NRG3: variants seen among roughly 807,000 people sequenced by gnomAD.
NRG3 encodes the protein pro-neuregulin-3, membrane-bound isoform.
A neutral mutation model predicts 66.9 loss-of-function variants in NRG3; 31 were observed. That is an observed-to-expected ratio of 0.46 (90% CI 0.35 to 0.63). The LOEUF is 0.63. NRG3 is among the 20% of genes least tolerant of loss of function. The pLI is 0.00. For synonymous variants in NRG3, 393 were observed against 359.4 expected (o/e 1.09, Z -1.06); for missense variants, 910 against 878.9 (o/e 1.04, Z -0.45).
rs528679608 is a variant in NRG3, at chr10:81,885,148, A to G, written c.823+8985A>G. Among the ~76,000 whole-genome samples the G allele has an allele frequency of 2.5e-4, 38 of 152,250 alleles. 1 individual carries two copies. The South Asian group carries it at 7.5e-3, about 30-fold the overall frequency. ...CTTATGGCTGCTTGTAGGTGATTCA[A>G]TGTAACAATGACAGAAAACAGTTAC... On this transcript the variant is annotated intron_variant, in intron 1 of 8. Transcript: ENST00000372141.
At chr10:82,535,630 C>T (rs1260655531) in intron 2 of NRG3, among the ~76,000 whole-genome samples, 6 of 152,044 alleles carry the variant, frequency 3.9e-5, no homozygotes, top group Admixed American at 3.3e-4. Flanking sequence ...TTTAGTCACA[C>T]TAATAGGGAT....
At chr10:82,080,843 A>G (rs1192935983) in intron 1 of NRG3, among the ~76,000 whole-genome samples, 1 of 152,152 alleles carries the variant, frequency 6.6e-6, no homozygotes. Context: ...TCTATACCCA[A>G]AACTTTTTCA....
intron 2 of NRG3, among the ~76,000 whole-genome samples, chr10:82,430,760 G>T (rs1038042551): frequency 7.9e-5 from 12 of 152,140 alleles, no homozygotes; most frequent in Non-Finnish European, 1.5e-5. Context: ...TACTGGGATG[G>T]TTTGGTGTCA....
intron 2 of NRG3, among the ~76,000 whole-genome samples, chr10:82,721,979 T>C (rs571983322): frequency 6.6e-6 from 1 of 152,124 alleles, no homozygotes. Context: ...GGGGACATGT[T>C]ACCCAAACTC....
intron 8 of NRG3, among the ~76,000 whole-genome samples, chr10:82,983,908 T>G (rs1226910776): frequency 6.6e-6 from 1 of 152,232 alleles, no homozygotes; most frequent in Non-Finnish European, 1.5e-5. Context: ...CCTGTTTGTG[T>G]TCACTGTCTG....
intron 2 of NRG3, among the ~76,000 whole-genome samples, chr10:82,435,287 G>T (rs1029553336): frequency 1.3e-5 from 2 of 151,948 alleles, no homozygotes; most frequent in African/African-American, 4.8e-5. Flanking sequence ...GGTCAGTGGT[G>T]GTATCCCCTT....
chr10:82,955,306 C>T (rs1849936552), intron 5 of NRG3: 2 of 151,804 alleles, frequency 1.3e-5, no homozygotes, highest in South Asian at 4.1e-4. Flanking sequence ...TTAACTGAAC[C>T]CATAGCAACT....
chr10:82,289,725 C>T (rs528085264), intron 1 of NRG3, among the ~76,000 whole-genome samples: 1 of 152,182 alleles, frequency 6.6e-6, no homozygotes, highest in Admixed American at 6.5e-5. Flanking sequence ...CAAATGAAAG[C>T]CATTTTTCCT....
At chr10:82,036,006 C>T (rs573733837) in intron 1 of NRG3, among the ~76,000 whole-genome samples, 1 of 152,136 alleles carries the variant, frequency 6.6e-6, no homozygotes, top group East Asian at 1.9e-4. Flanking sequence ...TGCTGTTTCA[C>T]ATGTGTAAAT....
chr10:82,268,310 C>G (rs2078411387), intron 1 of NRG3, among the ~76,000 whole-genome samples: 1 of 152,100 alleles, frequency 6.6e-6, no homozygotes, highest in African/African-American at 2.4e-5. Context: ...ATATTTTGCT[C>G]AAGTCATTGC....
At chr10:82,190,767 G>C (rs2133348603) in intron 1 of NRG3, among the ~76,000 whole-genome samples, 1 of 152,266 alleles carries the variant, frequency 6.6e-6, no homozygotes. Context: ...AGTAGCTCCA[G>C]GGCTGGTTAA....
chr10:82,281,067 A>T (rs1479960941), intron 1 of NRG3, among the ~76,000 whole-genome samples: 2 of 152,174 alleles, frequency 1.3e-5, no homozygotes, highest in Non-Finnish European at 2.9e-5. Flanking sequence ...TGAGATACTG[A>T]ACTATGGAAA....
chr10:82,414,913 T>C (rs1371942767), intron 2 of NRG3, among the ~76,000 whole-genome samples: 1 of 152,184 alleles, frequency 6.6e-6, no homozygotes, highest in African/African-American at 2.4e-5. Context: ...CAGTTTTTGC[T>C]CTTAAGGCCT....
chr10:82,407,472 G>C (rs566907122), intron 2 of NRG3, among the ~76,000 whole-genome samples: 152 of 152,162 alleles, frequency 1.0e-3, no homozygotes, highest in African/African-American at 3.4e-3. Context: ...TTGTGTAAAA[G>C]TTAAGGAACC....
chr10:82,623,081 T>C (rs2049150170), intron 2 of NRG3, among the ~76,000 whole-genome samples: 1 of 152,280 alleles, frequency 6.6e-6, no homozygotes, highest in South Asian at 2.1e-4. Flanking sequence ...TTCCCAATTT[T>C]ATTTGACTAT....
intron 7 of NRG3, among the ~76,000 whole-genome samples, chr10:82,975,333 C>T (rs540550598): frequency 1.3e-5 from 2 of 152,178 alleles, no homozygotes; most frequent in Non-Finnish European, 2.9e-5. Context: ...ATTATATGAA[C>T]TGTATTCTGT....
At chr10:82,963,708 A>C (rs1850913204) in intron 6 of NRG3, among the ~76,000 whole-genome samples, 1 of 152,214 alleles carries the variant, frequency 6.6e-6, no homozygotes, top group South Asian at 2.1e-4. Flanking sequence ...ATTTGCGTTA[A>C]AATAGTATAA....
chr10:82,079,381 G>A (rs2065266563), intron 1 of NRG3, among the ~76,000 whole-genome samples: 1 of 152,110 alleles, frequency 6.6e-6, no homozygotes, highest in African/African-American at 2.4e-5. Context: ...CAGCAAAATT[G>A]AAAGGAAGGT....
chr10:82,362,329 A>ATG (rs1426971423), intron 2 of NRG3, among the ~76,000 whole-genome samples: 2 of 132,264 alleles, frequency 1.5e-5, no homozygotes, highest in African/African-American at 6.4e-5. Flanking sequence ...ATGTGTATAT[A>ATG]TATATGTGTG....
Sources: allele counts gnomAD v4.1 joint callset (sites outside exome capture counted in the v4.1 genomes callset), GRCh38; gene constraint gnomAD v4.1.1; transcripts MANE v1.5; gene names NCBI Gene and HGNC (gene_info 2026-07-23, HGNC 2026-07-21).